Variants in HYCC2 observed in about 807,000 individuals in gnomAD.
HYCC2 encodes the protein hyccin PI4KA lipid kinase complex subunit 2, also known as hyccin 2.
At chr2:201,041,071 A>G in the HYCC2 span, among the ~76,000 whole-genome samples, 2 of 152,094 alleles carry the variant, frequency 1.3e-5, no homozygotes. Context: ...AGCGGTACCT[A>G]CTTCATATAG....
At chr2:201,029,879 T>C in the HYCC2 span, among the ~76,000 whole-genome samples, 1 of 152,090 alleles carries the variant, frequency 6.6e-6, no homozygotes, top group African/African-American at 2.4e-5. Context: ...TGTATACCTA[T>C]GTAACAAACC....
At chr2:201,033,497 G>A in the HYCC2 span, among the ~76,000 whole-genome samples, 21 of 151,514 alleles carry the variant, frequency 1.4e-4, no homozygotes, top group African/African-American at 4.1e-4. Context: ...TCCGCCTCCC[G>A]GGTTCACGCC....
chr2:201,063,233 C>T, the HYCC2 span: 2 of 1,600,106 alleles, frequency 1.2e-6, no homozygotes, highest in South Asian at 2.2e-5. Context: ...AATGAGAGAT[C>T]CAAACACCAA....
At chr2:201,011,511 C>T in the HYCC2 span, 1 of 935,600 alleles carries the variant, frequency 1.1e-6, no homozygotes, top group Non-Finnish European at 1.5e-6. Flanking sequence ...GAAATAATCA[C>T]AGATCTACAC....
the HYCC2 span, chr2:201,021,712 T>C: frequency 4.8e-6 from 1 of 207,296 alleles, no homozygotes; most frequent in Admixed American, 5.5e-5. Flanking sequence ...TTAAAACAAA[T>C]ACATTTTAAT....
At chr2:201,022,515 T>C in the HYCC2 span, 10 of 227,186 alleles carry the variant, frequency 4.4e-5, no homozygotes, top group Non-Finnish European at 7.8e-5. Context: ...ACAGTTAAAA[T>C]ATGGCTTCCA....
At chr2:201,054,325 C>T in the HYCC2 span, among the ~76,000 whole-genome samples, 1 of 152,296 alleles carries the variant, frequency 6.6e-6, no homozygotes, top group East Asian at 1.9e-4. Context: ...CTTGTATCAT[C>T]TCATTGCAAT....
the HYCC2 span, among the ~76,000 whole-genome samples, chr2:201,043,222 T>C: frequency 2.0e-5 from 3 of 152,112 alleles, no homozygotes; most frequent in Admixed American, 1.3e-4. Flanking sequence ...AACAGATGCT[T>C]GAAGGCAGAA....
the HYCC2 span, among the ~76,000 whole-genome samples, chr2:200,988,574 C>T: frequency 1.3e-5 from 2 of 152,112 alleles, no homozygotes. Context: ...TTTAAGCAGG[C>T]TTTTCAAATG....
chr2:201,001,735 C>T, the HYCC2 span, among the ~76,000 whole-genome samples: 1 of 151,918 alleles, frequency 6.6e-6, no homozygotes, highest in Non-Finnish European at 1.5e-5. Flanking sequence ...TGCAGTGGCA[C>T]AATCTCGGCT....
the HYCC2 span, among the ~76,000 whole-genome samples, chr2:201,026,651 T>A: frequency 6.6e-6 from 1 of 152,152 alleles, no homozygotes; most frequent in Non-Finnish European, 1.5e-5. Context: ...GAACTCAGGA[T>A]TAAGAAACTC....
the HYCC2 span, among the ~76,000 whole-genome samples, chr2:201,006,366 C>G: frequency 6.7e-6 from 1 of 149,856 alleles, no homozygotes; most frequent in Admixed American, 6.7e-5. Context: ...GTTTTGAACT[C>G]CTGACCTCAG....
chr2:201,022,604 C>A, the HYCC2 span: 4 of 340,888 alleles, frequency 1.2e-5, no homozygotes, highest in African/African-American at 6.5e-5. Context: ...ATAAAATTAA[C>A]AATCAAAACA....
At chr2:201,042,741 G>A in the HYCC2 span, among the ~76,000 whole-genome samples, 505 of 151,318 alleles carry the variant, frequency 3.3e-3, 1 homozygote, top group African/African-American at 0.011. Context: ...TCCGGGAGGT[G>A]GGGGGCAGCC....
the HYCC2 span, among the ~76,000 whole-genome samples, chr2:201,019,939 A>T: frequency 6.6e-6 from 1 of 151,824 alleles, no homozygotes. Flanking sequence ...TAAAAAATAA[A>T]ATTAGCAGGG....
the HYCC2 span, among the ~76,000 whole-genome samples, chr2:201,050,679 A>G: frequency 3.3e-5 from 5 of 152,116 alleles, no homozygotes; most frequent in Non-Finnish European, 5.9e-5. Flanking sequence ...CATGTCTATA[A>G]TCCCAGTACT....
At chr2:200,977,882 C>T in the HYCC2 span, 2 of 152,156 alleles carry the variant, frequency 1.3e-5, no homozygotes, top group Admixed American at 6.6e-5. Flanking sequence ...GTTAACTATT[C>T]ACTTTGCATT....
the HYCC2 span, among the ~76,000 whole-genome samples, chr2:201,055,014 T>C: frequency 6.6e-6 from 1 of 152,126 alleles, no homozygotes; most frequent in African/African-American, 2.4e-5. Context: ...AATAAATGTT[T>C]AAAGCGGTTG....
chr2:201,038,206 C>T, the HYCC2 span, among the ~76,000 whole-genome samples: 1 of 152,144 alleles, frequency 6.6e-6, no homozygotes, highest in Non-Finnish European at 1.5e-5. Flanking sequence ...CCATCTTACA[C>T]CAGTTAGAAT....
Sources: allele counts gnomAD v4.1 joint callset (sites outside exome capture counted in the v4.1 genomes callset), GRCh38; gene constraint gnomAD v4.1.1; transcripts MANE v1.5; gene names NCBI Gene and HGNC (gene_info 2026-07-23, HGNC 2026-07-21).